The following RAPGEF4 variants were observed in gnomAD, a reference collection of about 807,000 sequenced individuals.
The protein encoded by RAPGEF4 is RAP guanine-nucleotide-exchange factor (GEF) 4.
A neutral mutation model predicts 147.9 loss-of-function variants in RAPGEF4; 66 were observed. That is an observed-to-expected ratio of 0.45 (90% confidence interval 0.37 to 0.55). The LOEUF (loss-of-function observed/expected upper bound fraction) is 0.55. Among genes scored for constraint, RAPGEF4 ranks in the 20% least tolerant of loss-of-function variants. The pLI is 0.00. For missense variants in RAPGEF4, 1,071 were observed against 1,257.3 expected, an observed-to-expected ratio of 0.85 and a Z score of 2.24; for synonymous variants, 419 against 442.7, an observed-to-expected ratio of 0.95 and a Z score of 0.67.
chr2:172,764,625 G>T (rs1158554126), intron 1 of RAPGEF4, among the ~76,000 whole-genome samples: 1 of 152,168 alleles, frequency 6.6e-6, no homozygotes, highest in Non-Finnish European at 1.5e-5. Context: ...TTGGATGCCC[G>T]TGGAGAGAAT....
intron 4 of RAPGEF4, among the ~76,000 whole-genome samples, chr2:172,886,710 CTT>C (rs36113414): frequency 5.0e-5 from 7 of 138,916 alleles, no homozygotes; most frequent in South Asian, 2.3e-4. Context: ...TAGGCAATGC[CTT>C]TTTTTTTTTT....
intron 6 of RAPGEF4, among the ~76,000 whole-genome samples, chr2:172,957,063 C>A (rs901310696): frequency 6.6e-6 from 1 of 152,164 alleles, no homozygotes; most frequent in Non-Finnish European, 1.5e-5. Flanking sequence ...CTACTCTAAG[C>A]AATTCCAGTT....
intron 6 of RAPGEF4, among the ~76,000 whole-genome samples, chr2:172,929,729 G>A (rs911675931): frequency 6.6e-6 from 1 of 152,064 alleles, no homozygotes; most frequent in African/African-American, 2.4e-5. Flanking sequence ...ATGAAAATAT[G>A]GCACTGCAGC....
chr2:172,904,418 G>C (rs145483307), intron 4 of RAPGEF4, among the ~76,000 whole-genome samples: 1 of 152,170 alleles, frequency 6.6e-6, no homozygotes, highest in Non-Finnish European at 1.5e-5. Context: ...AGAGCAAATT[G>C]TTTTACGACT....
intron 6 of RAPGEF4, among the ~76,000 whole-genome samples, chr2:172,931,176 G>GGT (rs1421498718): frequency 9.2e-6 from 1 of 109,150 alleles, no homozygotes; most frequent in Non-Finnish European, 2.0e-5. Context: ...CCGGGGTGGG[G>GGT]GGGGGGGGCG....
At position 173,028,422 on chromosome 2, in the gene RAPGEF4, G is replaced by A. The variant is rs150055219; in HGVS notation, c.2558+1163G>A. Among the ~76,000 whole-genome samples the A allele has an allele frequency of 2.8e-3, 431 of 152,292 alleles. 3 individuals carry two copies. The highest frequency in any genetic ancestry group is 1.0e-2 in the African/African-American group (415 of 41,548). ...CACTCTCTCTCTTCACCTTAGCCTG[G>A]CAGTGCCCAATGCAACAAGAAGAGA... On this transcript the variant is annotated intron_variant, in intron 25 of 30. Coordinates refer to ENST00000397081, the MANE Select transcript of RAPGEF4 (RefSeq NM_007023.4).
intron 1 of RAPGEF4, among the ~76,000 whole-genome samples, chr2:172,750,215 C>T (rs1362692882): frequency 1.3e-5 from 2 of 151,958 alleles, no homozygotes; most frequent in African/African-American, 2.4e-5. Context: ...CTCCTGGTAC[C>T]AATTTACTGT....
chr2:172,830,561 A>C (rs1690182231), intron 4 of RAPGEF4, among the ~76,000 whole-genome samples: 1 of 152,108 alleles, frequency 6.6e-6, no homozygotes, highest in Admixed American at 6.6e-5. Context: ...TTCAAAAAGT[A>C]GTCATAACAC....
intron 4 of RAPGEF4, among the ~76,000 whole-genome samples, chr2:172,858,413 T>C (rs980056146): frequency 6.6e-6 from 1 of 152,232 alleles, no homozygotes; most frequent in Non-Finnish European, 1.5e-5. Context: ...CCTGTGTATG[T>C]GCTCCTGGAA....
chr2:172,944,996 A>AAT (rs1687548729), intron 6 of RAPGEF4, among the ~76,000 whole-genome samples: 1 of 151,984 alleles, frequency 6.6e-6, no homozygotes, highest in Non-Finnish European at 1.5e-5. Flanking sequence ...TCTTATACAC[A>AAT]TTCTTGGAAA....
At chr2:172,882,727 T>C (rs1048406454) in intron 4 of RAPGEF4, among the ~76,000 whole-genome samples, 4 of 152,168 alleles carry the variant, frequency 2.6e-5, no homozygotes, top group African/African-American at 9.7e-5. Context: ...CTAGCTATAA[T>C]GTAAAGTTGA....
chr2:172,877,032 T>C (rs1264799513), intron 4 of RAPGEF4, among the ~76,000 whole-genome samples: 1 of 152,212 alleles, frequency 6.6e-6, no homozygotes, highest in Non-Finnish European at 1.5e-5. Context: ...TTTATTTGCG[T>C]AGAGGTGTTT....
At chr2:172,945,984 A>C (rs1446978) in intron 6 of RAPGEF4, among the ~76,000 whole-genome samples, 3,947 of 152,316 alleles carry the variant, frequency 0.026, 72 homozygotes, top group South Asian at 0.055. Flanking sequence ...GATTCTGAGA[A>C]GATAATTCCA....
intron 1 of RAPGEF4, among the ~76,000 whole-genome samples, chr2:172,775,952 C>G (rs1316558651): frequency 6.6e-6 from 1 of 152,032 alleles, no homozygotes; most frequent in Non-Finnish European, 1.5e-5. Flanking sequence ...TAAGTCAGAG[C>G]CATGAAGAGT....
intron 4 of RAPGEF4, among the ~76,000 whole-genome samples, chr2:172,836,189 T>C (rs548221241): frequency 9.8e-5 from 15 of 152,336 alleles, no homozygotes; most frequent in African/African-American, 3.4e-4. Context: ...AGCCAAAATC[T>C]TCATGGTAGC....
In RAPGEF4 at chr2:173,016,254, A is replaced by C. The variant is rs189340933; in HGVS notation, c.1810-95A>C. ...AGCCATGGTCTGGAGATGCTGGTGA[A>C]GCAGATGACATAGGGACACATCTTT... On this transcript the variant is annotated intron_variant, in intron 18 of 30. Transcript: ENST00000397081. 16 of 793,156 alleles carry C rather than the reference A, an allele frequency of 2.0e-5. No individual in the cohort carries two copies. In the Admixed American group the frequency reaches 3.0e-4, roughly 15 times the overall value. The allele number at this position is 793,156 out of a possible 1,614,324, so 49.1% of individuals were successfully genotyped here.
At position 173,016,363 on chromosome 2, in the gene RAPGEF4, T is replaced by G. The variant is rs778256547; in HGVS notation, c.1824T>G (p.Ser608=). 5 of 1,613,090 alleles carry G rather than the reference T, an allele frequency of 3.1e-6. No homozygotes were observed. In the East Asian group the frequency reaches 1.1e-4, roughly 36 times the overall value. The part of the protein sequence containing the change: ...SMAFLEEFYV[S]VSDDARMIAA... ...GCCAATTACAGGAGTTTTATGTATC[T>G]GTATCAGATGATGCCCGGATGATTG... Residue 608 remains serine (S), a synonymous_variant, in exon 19 of 31, where the codon TCT becomes TCG. Coordinates refer to ENST00000397081, the MANE Select transcript of RAPGEF4 (RefSeq NM_007023.4).
chr2:172,796,321 C>T lies in RAPGEF4; in HGVS notation c.208+1154C>T, dbSNP rs548141630. Reference sequence around the variant, plus strand: ...ATTTTGTGGGCCAGGCACAGTGGCTCACGCTTGTAATCCCAGCACTTTGGG... The same window carrying T: ...ATTTTGTGGGCCAGGCACAGTGGCTTACGCTTGTAATCCCAGCACTTTGGG... On this transcript the variant is annotated intron_variant, in intron 2 of 30. Coordinates refer to ENST00000397081, the MANE Select transcript of RAPGEF4 (RefSeq NM_007023.4). 2.6e-5 allele frequency among the ~76,000 whole-genome samples: 4 copies of T among 152,218 alleles called. No homozygotes were observed. In the East Asian group the frequency reaches 7.7e-4, roughly 29 times the overall value.
intron 6 of RAPGEF4, among the ~76,000 whole-genome samples, chr2:172,955,350 CA>C (rs1688617400): frequency 6.6e-6 from 1 of 152,128 alleles, no homozygotes; most frequent in Admixed American, 6.5e-5. Context: ...TTCTCCTTTT[CA>C]GTAGTAATAT....
Sources: gnomAD v4.1 joint callset for allele counts (sites outside exome capture counted in the v4.1 genomes callset) on GRCh38, gnomAD v4.1.1 for gene constraint, MANE v1.5 for transcripts, NCBI Gene and HGNC (gene_info 2026-07-23, HGNC 2026-07-21) for gene names.